MACF1: variants seen among roughly 807,000 people sequenced by gnomAD.
The protein encoded by MACF1 is microtubule actin crosslinking factor 1, also known as microtubule-actin cross-linking factor 1.
Under a neutral mutation model 854.8 loss-of-function variants are expected in MACF1, and 193 were observed. The observed-to-expected ratio is 0.23, with a 90% confidence interval of 0.20 to 0.25. The LOEUF (loss-of-function observed/expected upper bound fraction) is 0.25, where lower values mean the gene tolerates loss of function less well. MACF1 is among the 10% of genes least tolerant of loss of function. MACF1 has a pLI of 1.00. For synonymous variants in MACF1, 3,185 were observed against 3,226.7 expected, an observed-to-expected ratio of 0.99 and a Z score of 0.44; for missense variants, 7,722 against 8,929.1, an observed-to-expected ratio of 0.86 and a Z score of 5.45.
rs1321834624 is a variant in MACF1 at position 39,334,119 on chromosome 1, A to G, written c.7531A>G (p.Ile2511Val). The G allele has an allele frequency of 1.9e-6, 3 of 1,614,054 alleles. No homozygotes were observed. Among genetic ancestry groups the G allele is most frequent in the East Asian group, 2.2e-5 (1 of 44,900 alleles). ...GGTAGATGGAGGTATCATTCACCAT[A>G]TATCTGGGATGAGACTTTCTGTTGA... ...QVVDGGIIHH[I>V]SGMRLSVDNA... is the part of the protein sequence containing the mutation. Residue 2511 changes from isoleucine to valine, a missense_variant, in exon 37 of 101, where the codon ATA (isoleucine) becomes GTA (valine). Physicochemically the swap from Ile to Val is conservative, Grantham distance 29. Coordinates refer to ENST00000564288, the MANE Select transcript of MACF1 (RefSeq NM_001394062.1).
At chr1:39,245,290 TTTA>T in intron 2 of MACF1, among the ~76,000 whole-genome samples, 4 of 152,220 alleles carry the variant, frequency 2.6e-5, no homozygotes, top group Admixed American at 2.6e-4. Flanking sequence ...GCAATTTATT[TTTA>T]TTATTATTAT....
intron 35 of MACF1, among the ~76,000 whole-genome samples, chr1:39,326,564 C>G (rs965857020): frequency 1.3e-5 from 2 of 151,392 alleles, no homozygotes; most frequent in African/African-American, 4.9e-5. Context: ...ACGTGTAATC[C>G]CAGCTACTCG....
chr1:39,458,245 A>C (rs1570153750), intron 89 of MACF1, 125 bp from the exon 90 acceptor site: 4 of 822,792 alleles, frequency 4.9e-6, no homozygotes, highest in Non-Finnish European at 7.6e-6. Flanking sequence ...CAACTCAGGC[A>C]CCAGCCTCCA....
intron 1 of MACF1, among the ~76,000 whole-genome samples, chr1:39,223,209 T>G (rs1644674766): frequency 1.3e-5 from 2 of 152,186 alleles, no homozygotes; most frequent in Admixed American, 1.3e-4. Context: ...GCAGGAAATT[T>G]TTTAAACAAG....
chr1:39,182,990 GGCATATCCATACAACAGAATA>G (rs1644124265), intron 2 of MACF1, among the ~76,000 whole-genome samples: 1 of 152,100 alleles, frequency 6.6e-6, no homozygotes, highest in African/African-American at 2.4e-5. Flanking sequence ...AACACACTGT[GGCATATCCATACAACAGAATA>G]TTATTTGTCA....
intron 16 of MACF1, 83 bp downstream of exon 16, chr1:39,292,121 G>A: frequency 2.0e-6 from 3 of 1,488,918 alleles, no homozygotes; most frequent in Non-Finnish European, 2.7e-6. Flanking sequence ...AAGCTGTATT[G>A]AAGGAGGAGG....
At chr1:39,337,936 ATT>A (rs1186159357) in intron 38 of MACF1, among the ~76,000 whole-genome samples, 2 of 151,908 alleles carry the variant, frequency 1.3e-5, no homozygotes, top group Non-Finnish European at 2.9e-5. Context: ...CGCCCAGCTA[ATT>A]TTTTGTATAT....
intron 2 of MACF1, among the ~76,000 whole-genome samples, chr1:39,144,079 G>A (rs1375345735): frequency 8.5e-5 from 10 of 118,002 alleles, no homozygotes; most frequent in Middle Eastern, 7.5e-3. Context: ...GAGCCACGGC[G>A]CTTTTTTTTT....
At position 39,393,196 on chromosome 1, in the gene MACF1, A is replaced by AATATATAT. The variant is rs1553345251; in HGVS notation, c.15816+4559_15816+4566dup. On this transcript the variant is annotated intron_variant, in intron 58 of 100. Coordinates refer to ENST00000564288, the MANE Select transcript of MACF1 (RefSeq NM_001394062.1). The stretch of plus-strand genomic sequence containing the variant: ...CTGGGAAGGGTAAAAAAAAAAAAAA[A>AATATATAT]ATATATATATATATATATATATATA... Among the ~76,000 whole-genome samples the AATATATAT allele has an allele frequency of 2.9e-3, 195 of 66,538 alleles. 2 individuals carry two copies. Among genetic ancestry groups the AATATATAT allele is most frequent in the Middle Eastern group, 9.4e-3 (1 of 106 alleles). The allele number at this position is 66,538 out of a possible 152,430, so 43.7% of individuals were successfully genotyped here.
At position 39,404,149 on chromosome 1, in the gene MACF1, GTAAATAAA is replaced by G. The variant is rs60859213; in HGVS notation, c.15816+15520_15816+15527del. Reference sequence around the variant, plus strand: ...CTCAAAAAAATAAATAAATAAGTAAGTAAATAAATAAATAAATAAATAAATAAATAAAT... The same window carrying G: ...CTCAAAAAAATAAATAAATAAGTAAGTAAATAAATAAATAAATAAATAAAT... On this transcript the variant is annotated intron_variant, in intron 58 of 100. Coordinates refer to ENST00000564288, the MANE Select transcript of MACF1 (RefSeq NM_001394062.1). 2.0e-3 allele frequency among the ~76,000 whole-genome samples: 299 copies of G among 148,538 alleles called. 1 individual carries two copies. Among genetic ancestry groups the G allele is most frequent in the African/African-American group, 3.2e-3 (129 of 40,006 alleles).
chr1:39,092,204 G>T (rs762890059), intron 2 of MACF1, among the ~76,000 whole-genome samples: 1 of 152,202 alleles, frequency 6.6e-6, no homozygotes, highest in African/African-American at 2.4e-5. Context: ...CCTTTCTTTG[G>T]CTTTCGTAGG....
intron 26 of MACF1, among the ~76,000 whole-genome samples, chr1:39,314,822 G>C (rs965195949): frequency 3.3e-5 from 5 of 152,174 alleles, no homozygotes; most frequent in Non-Finnish European, 7.4e-5. Flanking sequence ...CCAAACTAGA[G>C]TTTAACATTT....
At chr1:39,180,635 A>G (rs1644092387) in intron 2 of MACF1, among the ~76,000 whole-genome samples, 1 of 152,172 alleles carries the variant, frequency 6.6e-6, no homozygotes, top group African/African-American at 2.4e-5. Context: ...CACACAAAGA[A>G]GATGTACTTT....
In MACF1 at chr1:39,283,365, T is replaced by A; in HGVS notation, c.809-44T>A. On this transcript the variant is annotated intron_variant, in intron 8 of 100. Transcript: ENST00000564288. The surrounding 1 kb of genome is among the most constrained non-coding windows in gnomAD (Gnocchi z 4.5). ...ATTCAGTATTCCTTCTTCTGGCAAG[T>A]TCCTTTGTTCTGACTAAGAAATTTC... 5 of 1,584,284 alleles carry A rather than the reference T, an allele frequency of 3.2e-6. No individual in the cohort carries two copies. The highest frequency in any genetic ancestry group is 3.5e-6 in the Non-Finnish European group (4 of 1,152,952).
rs2148673288 is a variant in MACF1 at position 39,447,431 on chromosome 1, G to A, written c.19606-1G>A. On this transcript the variant is annotated splice_acceptor_variant, in intron 80 of 100. Transcript: ENST00000564288. LOFTEE classifies it high-confidence loss of function. ...GTGTGTGTGTTTTACTTGAAATTCA[G>A]TCAAAGCTGGAAGAGGCCCTCAACT... 1 of 1,613,778 alleles carries A rather than the reference G, an allele frequency of 6.2e-7. No individual in the cohort carries two copies. The highest frequency in any genetic ancestry group is 8.5e-7 in the Non-Finnish European group (1 of 1,179,864).
chr1:39,273,982 A>G (rs1377054817), intron 6 of MACF1, among the ~76,000 whole-genome samples: 2 of 152,220 alleles, frequency 1.3e-5, no homozygotes, highest in South Asian at 2.1e-4. Flanking sequence ...GTTATGTTTT[A>G]AAAAAGGCCT....
At chr1:39,237,928 A>G (rs1164756384) in intron 2 of MACF1, among the ~76,000 whole-genome samples, 1 of 152,186 alleles carries the variant, frequency 6.6e-6, no homozygotes, top group African/African-American at 2.4e-5. Flanking sequence ...AAAGTATATA[A>G]AAAGCCCCAC....
At position 39,353,046 on chromosome 1, in the gene MACF1, A is replaced by T; in HGVS notation, c.11239A>T (p.Ile3747Phe). ...GGAACTGGCAGAGAACAAGAAGAAGATCGATGCTCTCCTGGATTGGGTAAC... is the reference window on the plus strand; with the variant it reads ...GGAACTGGCAGAGAACAAGAAGAAGTTCGATGCTCTCCTGGATTGGGTAAC... ...AKELAENKKKIDALLDWVTSV... is the reference protein window; with the variant it reads ...AKELAENKKKFDALLDWVTSV... Residue 3747 changes from isoleucine (I) to phenylalanine (F), a missense_variant, in exon 44 of 101, where the codon ATC becomes TTC. By Grantham distance (21) the Ile-to-Phe change is conservative (BLOSUM62 0). This residue lies in a region of MACF1 where 2,807 missense variants were observed against 3,235.8 expected (regional missense o/e 0.87). Coordinates refer to ENST00000564288, the MANE Select transcript of MACF1 (RefSeq NM_001394062.1). The T allele has an allele frequency of 6.2e-7, 1 of 1,613,988 alleles. No homozygotes were observed. The highest frequency in any genetic ancestry group is 1.1e-5 in the South Asian group (1 of 91,078).
intron 26 of MACF1, among the ~76,000 whole-genome samples, chr1:39,312,773 C>T (rs1192904616): frequency 6.6e-6 from 1 of 151,364 alleles, no homozygotes; most frequent in African/African-American, 2.4e-5. Flanking sequence ...TGCAGTGAGC[C>T]GAGATCACAC....
Sources: allele counts gnomAD v4.1 joint callset (sites outside exome capture counted in the v4.1 genomes callset), GRCh38; gene constraint gnomAD v4.1.1; regional missense constraint gnomAD v4.1.1; non-coding constraint Gnocchi (gnomAD v3.1); transcripts MANE v1.5; gene names NCBI Gene and HGNC (gene_info 2026-07-23, HGNC 2026-07-21).